Variants in RETREG1 observed in about 807,000 individuals in gnomAD.
The protein encoded by RETREG1 is family with sequence similarity 134 member B.
A neutral mutation model predicts 54.8 loss-of-function variants in RETREG1; 44 were observed. The ratio of observed to expected loss-of-function variants is 0.80; its 90% CI spans 0.63 to 1.03. RETREG1 has a LOEUF of 1.03. RETREG1 is among the 50% of genes least tolerant of loss of function. The probability of loss-of-function intolerance (pLI) is 0.00; values close to 1 mark genes in which losing one functional copy is unlikely to be tolerated. For synonymous variants in RETREG1, 217 were observed against 238.5 expected (o/e 0.91, Z 0.83); for missense variants, 554 against 605.1 (o/e 0.92, Z 0.89).
At position 16,505,393 on chromosome 5, in the gene RETREG1, C is replaced by T. The variant is rs34005581; in HGVS notation, c.459-21921G>A. 7.2e-3 allele frequency among the ~76,000 whole-genome samples: 1,100 copies of T among 152,286 alleles called. 13 individuals carry two copies. The highest frequency in any genetic ancestry group is 0.013 in the Admixed American group (200 of 15,294). ...TCCTCAGCCCCTATTATCTGAAATA[C>T]TCTTGCTTACTTTTTTTTCACCTTG... On this transcript the variant is annotated intron_variant, in intron 3 of 8. Coordinates refer to ENST00000306320, the MANE Select transcript of RETREG1 (RefSeq NM_001034850.3).
intron 3 of RETREG1, among the ~76,000 whole-genome samples, chr5:16,517,313 G>C (rs1740392493): frequency 6.6e-6 from 1 of 152,146 alleles, no homozygotes; most frequent in African/African-American, 2.4e-5. Flanking sequence ...CTAGAAACTT[G>C]TTTTATTGTT....
intron 3 of RETREG1, among the ~76,000 whole-genome samples, chr5:16,556,396 G>A (rs1186222471): frequency 1.3e-5 from 2 of 151,960 alleles, no homozygotes; most frequent in East Asian, 3.9e-4. Flanking sequence ...TCCTGACCTC[G>A]TGATCCTCCC....
At position 16,511,748 on chromosome 5, in the gene RETREG1, A is replaced by G. The variant is rs149444885; in HGVS notation, c.459-28276T>C. Among the ~76,000 whole-genome samples, 823 of 152,282 alleles carry G rather than the reference A, an allele frequency of 5.4e-3. 12 individuals are homozygous for G. The highest frequency in any genetic ancestry group is 0.018 in the African/African-American group (760 of 41,558). Reference sequence around the variant, plus strand: ...AGGCTGTACAGGAAGCATGGCTGGCATCTGCTCAGCTTCTGGGGAGGCCTC... The same window carrying G: ...AGGCTGTACAGGAAGCATGGCTGGCGTCTGCTCAGCTTCTGGGGAGGCCTC... On this transcript the variant is annotated intron_variant, in intron 3 of 8. Transcript: ENST00000306320.
chr5:16,610,626 A>T (rs1274870017), intron 1 of RETREG1, among the ~76,000 whole-genome samples: 2 of 152,264 alleles, frequency 1.3e-5, no homozygotes, highest in Non-Finnish European at 2.9e-5. Context: ...TCAAAAGAAG[A>T]CATTTATGCA....
At chr5:16,579,972 A>T (rs1236155455) in intron 1 of RETREG1, among the ~76,000 whole-genome samples, 3 of 152,216 alleles carry the variant, frequency 2.0e-5, no homozygotes, top group African/African-American at 7.2e-5. Flanking sequence ...ATGGCTTTTT[A>T]AAAAAATTTT....
At position 16,585,022 on chromosome 5, in the gene RETREG1, A is replaced by G. The variant is rs1049472710; in HGVS notation, c.321-12920T>C. On this transcript the variant is annotated intron_variant, in intron 1 of 8. Coordinates refer to ENST00000306320, the MANE Select transcript of RETREG1 (RefSeq NM_001034850.3). This position sits in a 1 kb window ranked among gnomAD's most constrained non-coding sequence, Gnocchi z 4.5. ...CTTCTTTAGTTGTGATGGCCAAGAA[A>G]ATGAATTATAAGCATCAGAGGAGAG... Among the ~76,000 whole-genome samples the G allele has an allele frequency of 1.3e-5, 2 of 152,150 alleles. No individual in the cohort carries two copies. The highest frequency in any genetic ancestry group is 2.9e-5 in the Non-Finnish European group (2 of 68,044).
intron 3 of RETREG1, among the ~76,000 whole-genome samples, chr5:16,542,896 CAG>C (rs1741289402): frequency 6.6e-6 from 1 of 152,170 alleles, no homozygotes; most frequent in Non-Finnish European, 1.5e-5. Flanking sequence ...TAACTTTTGA[CAG>C]AGCTATACAG....
At chr5:16,588,452 C>T (rs954759673) in intron 1 of RETREG1, among the ~76,000 whole-genome samples, 1 of 152,192 alleles carries the variant, frequency 6.6e-6, no homozygotes, top group Non-Finnish European at 1.5e-5. Context: ...AGGGTCAGGA[C>T]TTCAGCATTT....
At chr5:16,567,728 G>A (rs770982623) in intron 2 of RETREG1, among the ~76,000 whole-genome samples, 66 of 152,172 alleles carry the variant, frequency 4.3e-4, no homozygotes, top group Non-Finnish European at 7.6e-4. Flanking sequence ...AGGCCAAAAC[G>A]GGGGGATCAC....
intron 3 of RETREG1, among the ~76,000 whole-genome samples, chr5:16,535,263 C>T (rs1306158577): frequency 6.6e-6 from 1 of 152,240 alleles, no homozygotes; most frequent in Non-Finnish European, 1.5e-5. Flanking sequence ...TCTGAGTGCG[C>T]TCATTGATTT....
intron 3 of RETREG1, among the ~76,000 whole-genome samples, chr5:16,514,311 G>C (rs1410810575): frequency 1.3e-5 from 2 of 152,094 alleles, no homozygotes; most frequent in African/African-American, 4.8e-5. Flanking sequence ...GAGCCCAAAG[G>C]TCCTGTTTTC....
intron 3 of RETREG1, among the ~76,000 whole-genome samples, chr5:16,545,418 C>T (rs1036000029): frequency 2.0e-5 from 3 of 152,006 alleles, no homozygotes; most frequent in East Asian, 1.9e-4. Flanking sequence ...CTGGCCAAGT[C>T]CCTTAAGGAA....
intron 3 of RETREG1, among the ~76,000 whole-genome samples, chr5:16,511,677 T>A (rs546775487): frequency 6.6e-6 from 1 of 152,242 alleles, no homozygotes; most frequent in South Asian, 2.1e-4. Context: ...TACCTAAGAC[T>A]GGGTAATTTA....
chr5:16,592,023 A>G (rs1408841889), intron 1 of RETREG1, among the ~76,000 whole-genome samples: 3 of 152,250 alleles, frequency 2.0e-5, no homozygotes, highest in African/African-American at 7.2e-5. Flanking sequence ...GGACTAGAAT[A>G]GAGTCTACAA....
rs35079300 is a variant in RETREG1 at position 16,613,097 on chromosome 5, A to AT, written c.320+3554dup. On this transcript the variant is annotated intron_variant, in intron 1 of 8. Transcript: ENST00000306320. ...TTATTTGTGGATACTTCTACAAAGT[A>AT]TTTTTTTTTTTGGTCCCTGTTGCCT... Among the ~76,000 whole-genome samples the AT allele has an allele frequency of 2.4e-3, 368 of 150,270 alleles. 3 individuals are homozygous for AT. Among genetic ancestry groups the AT allele is most frequent in the African/African-American group, 8.2e-3 (335 of 40,996 alleles).
chr5:16,478,754 G>C (rs1036118228), intron 6 of RETREG1, 96 bp downstream of exon 6: 1 of 1,167,264 alleles, frequency 8.6e-7, no homozygotes, highest in Non-Finnish European at 1.3e-6. Context: ...TTAGTAAAAA[G>C]CTAAAAGTAT....
At chr5:16,509,038 C>CTTTTT (rs11403979) in intron 3 of RETREG1, 4 of 921,028 alleles carry the variant, frequency 4.3e-6, no homozygotes, top group African/African-American at 2.0e-5. Flanking sequence ...CTTCCCCCGG[C>CTTTTT]TTTTTTTTTT....
At position 16,568,055 on chromosome 5, in the gene RETREG1, T is replaced by A. The variant is rs545193745; in HGVS notation, c.428-2262A>T. ...GAGAATGAAGCTAGTCATGGAAAAG[T>A]TTCAGGATGCAGGAGGAGTTTTCCA... On this transcript the variant is annotated intron_variant, in intron 2 of 8. Transcript: ENST00000306320. 5.3e-5 allele frequency among the ~76,000 whole-genome samples: 8 copies of A among 151,994 alleles called. No homozygotes were observed. In the South Asian group the frequency reaches 1.2e-3, roughly 24 times the overall value.
chr5:16,573,056 G>A (rs921272406), intron 1 of RETREG1, among the ~76,000 whole-genome samples: 5 of 151,592 alleles, frequency 3.3e-5, no homozygotes, highest in African/African-American at 9.7e-5. Context: ...GGTGGCGTGC[G>A]CCTGCAGTCC....
Sources: allele counts gnomAD v4.1 joint callset (sites outside exome capture counted in the v4.1 genomes callset), GRCh38; gene constraint gnomAD v4.1.1; non-coding constraint Gnocchi (gnomAD v3.1); transcripts MANE v1.5; gene names NCBI Gene and HGNC (gene_info 2026-07-23, HGNC 2026-07-21).